Variants in SNX7 observed in about 807,000 individuals in gnomAD.
SNX7 encodes sorting nexin-7.
In SNX7, 35 loss-of-function variants were observed where a neutral mutation model predicts 48.4. The observed-to-expected ratio is 0.72, with a 90% CI of 0.55 to 0.96. The LOEUF is 0.96. Among genes scored for constraint, SNX7 ranks in the 40% least tolerant of loss-of-function variants. The pLI is 0.00. For synonymous variants in SNX7, 190 were observed against 190.2 expected (o/e 1.00, Z 0.01); for missense variants, 553 against 548.9 (o/e 1.01, Z -0.07).
chr1:98,710,478 AC>A (rs1188749182), intron 7 of SNX7, among the ~76,000 whole-genome samples: 18 of 152,276 alleles, frequency 1.2e-4, no homozygotes, highest in Admixed American at 9.8e-4. Flanking sequence ...CGAAAAAGTA[AC>A]AGATGGACAA....
At chr1:98,689,347 A>C (rs1472379368) in intron 2 of SNX7, among the ~76,000 whole-genome samples, 1 of 152,142 alleles carries the variant, frequency 6.6e-6, no homozygotes, top group Admixed American at 6.6e-5. Flanking sequence ...CCTTCAAGAG[A>C]AGAATGAAAT....
chr1:98,675,967 C>T lies in SNX7; in HGVS notation c.181-8918C>T, dbSNP rs114348703. Among the ~76,000 whole-genome samples the T allele has an allele frequency of 7.9e-3, 1,194 of 152,080 alleles. 11 individuals are homozygous for T. The highest frequency in any genetic ancestry group is 0.027 in the African/African-American group (1,135 of 41,470). On this transcript the variant is annotated intron_variant, in intron 1 of 8. Transcript: ENST00000306121. The stretch of plus-strand genomic sequence containing the variant: ...ACAATGTTGACTCTAACAATTTTAA[C>T]GGTTTTTCTGGTTATAAAATATAAC...
intron 3 of SNX7, among the ~76,000 whole-genome samples, 169 bp from the exon 4 acceptor site, chr1:98,691,366 A>G (rs1229663513): frequency 2.0e-5 from 3 of 151,970 alleles, no homozygotes; most frequent in East Asian, 1.9e-4. Context: ...ACTCTTCATA[A>G]TGTGTTATGA....
intron 1 of SNX7, among the ~76,000 whole-genome samples, chr1:98,674,954 A>C (rs560416761): frequency 3.9e-5 from 6 of 152,194 alleles, no homozygotes; most frequent in Non-Finnish European, 8.8e-5. Context: ...GTGATTTAAG[A>C]AGTAGAGATT....
At chr1:98,707,420 A>G (rs1652066695) in intron 7 of SNX7, among the ~76,000 whole-genome samples, 1 of 152,198 alleles carries the variant, frequency 6.6e-6, no homozygotes, top group African/African-American at 2.4e-5. Context: ...GACTGGGATG[A>G]TAAAGGTATA....
intron 4 of SNX7, among the ~76,000 whole-genome samples, chr1:98,693,182 AT>A (rs1651242450): frequency 2.6e-5 from 4 of 152,002 alleles, no homozygotes; most frequent in Non-Finnish European, 5.9e-5. Flanking sequence ...AGATGGATGG[AT>A]GGATGGATGG....
At chr1:98,661,711 G>C, upstream of SNX7, 1 of 1,211,340 alleles carries the variant, frequency 8.3e-7, no homozygotes, top group Non-Finnish European at 1.0e-6. Context: ...GGTGGCGGCC[G>C]GCTGGGCGCG....
intron 1 of SNX7, among the ~76,000 whole-genome samples, chr1:98,680,560 AAAACT>A (rs1650424317): frequency 6.6e-6 from 1 of 152,198 alleles, no homozygotes. Flanking sequence ...CTTCCCTTGT[AAAACT>A]AAACGCCTTA....
chr1:98,679,104 G>C lies in SNX7; in HGVS notation c.181-5781G>C, dbSNP rs140041996. 9.9e-5 allele frequency among the ~76,000 whole-genome samples: 15 copies of C among 152,268 alleles called. No individual in the cohort carries two copies. In the East Asian group the frequency reaches 2.7e-3, roughly 27 times the overall value. ...ACTGGGCAATTTATATAGGAAAAAGGGTTTAATGGACTTACAATTCTGCAT... is the reference window on the plus strand; with the variant it reads ...ACTGGGCAATTTATATAGGAAAAAGCGTTTAATGGACTTACAATTCTGCAT... On this transcript the variant is annotated intron_variant, in intron 1 of 8. Coordinates refer to ENST00000306121, the MANE Select transcript of SNX7 (RefSeq NM_015976.5).
chr1:98,758,854 T>C (rs1408625295), intron 8 of SNX7, among the ~76,000 whole-genome samples: 1 of 152,058 alleles, frequency 6.6e-6, no homozygotes, highest in Non-Finnish European at 1.5e-5. Flanking sequence ...TCACAGTATG[T>C]AATCTTTATG....
chr1:98,717,539 C>T (rs1280274437), intron 7 of SNX7, among the ~76,000 whole-genome samples: 3 of 152,100 alleles, frequency 2.0e-5, no homozygotes, highest in African/African-American at 7.2e-5. Context: ...CAGAACAATC[C>T]TCAGAAAATA....
chr1:98,711,757 G>T lies in SNX7; in HGVS notation c.1125+9854G>T, dbSNP rs564143479. ...TTTCTTAAAATATGAGAATAAGGAAGTTTGCTGCAGAGATTGATTTTCCTT... is the reference window on the plus strand; with the variant it reads ...TTTCTTAAAATATGAGAATAAGGAATTTTGCTGCAGAGATTGATTTTCCTT... On this transcript the variant is annotated intron_variant, in intron 7 of 8. Transcript: ENST00000306121. 4.5e-4 allele frequency among the ~76,000 whole-genome samples: 68 copies of T among 152,242 alleles called. 1 individual carries two copies. The South Asian group carries it at 0.014, about 31-fold the overall frequency.
At chr1:98,673,277 C>T (rs1649977967) in intron 1 of SNX7, among the ~76,000 whole-genome samples, 1 of 152,170 alleles carries the variant, frequency 6.6e-6, no homozygotes. Context: ...CTCAAATATT[C>T]TTCCTGCCTT....
chr1:98,689,226 T>A (rs1348251399), intron 2 of SNX7, among the ~76,000 whole-genome samples: 3 of 152,200 alleles, frequency 2.0e-5, no homozygotes, highest in Non-Finnish European at 2.9e-5. Context: ...TTGTCCACTT[T>A]AGAAGGGACA....
chr1:98,703,855 T>C (rs977064910), intron 7 of SNX7, among the ~76,000 whole-genome samples: 6 of 152,076 alleles, frequency 3.9e-5, no homozygotes, highest in Non-Finnish European at 7.4e-5. Context: ...AGTTAGTGGT[T>C]AGACAAAATT....
chr1:98,699,564 A>G (rs1254379425), intron 6 of SNX7, among the ~76,000 whole-genome samples: 2 of 152,076 alleles, frequency 1.3e-5, no homozygotes, highest in Non-Finnish European at 2.9e-5. Flanking sequence ...TGGCACCCTC[A>G]GTGTTTTAGG....
At chr1:98,689,422 T>C (rs2100949219) in intron 2 of SNX7, among the ~76,000 whole-genome samples, 1 of 152,342 alleles carries the variant, frequency 6.6e-6, no homozygotes, top group East Asian at 1.9e-4. Context: ...TTTCTTCTTC[T>C]GTTGCACTAC....
intron 8 of SNX7, among the ~76,000 whole-genome samples, chr1:98,742,397 G>A (rs1654115960): frequency 6.6e-6 from 1 of 152,082 alleles, no homozygotes; most frequent in African/African-American, 2.4e-5. Flanking sequence ...GACCGTATCT[G>A]TTACTCTTGG....
intron 1 of SNX7, among the ~76,000 whole-genome samples, chr1:98,672,238 G>C (rs1305475095): frequency 6.6e-6 from 1 of 151,918 alleles, no homozygotes; most frequent in Non-Finnish European, 1.5e-5. Flanking sequence ...CTTTGACTCT[G>C]TTCCACATAT....
Sources: allele counts gnomAD v4.1 joint callset (sites outside exome capture counted in the v4.1 genomes callset), GRCh38; gene constraint gnomAD v4.1.1; transcripts MANE v1.5; gene names NCBI Gene and HGNC (gene_info 2026-07-23, HGNC 2026-07-21).